SGCZ: variants seen among roughly 807,000 people sequenced by gnomAD.
The protein encoded by SGCZ is zeta-sarcoglycan.
SGCZ carries 40 observed loss-of-function variants against 41.3 expected under a neutral mutation model. The observed-to-expected ratio is 0.97, with a 90% CI of 0.75 to 1.26. The LOEUF (loss-of-function observed/expected upper bound fraction) is 1.26, where lower values mean the gene tolerates loss of function less well. Ranked by LOEUF, SGCZ falls within the 50% of genes most tolerant of loss-of-function variation. The pLI is 0.00. For missense variants in SGCZ, 552 were observed against 369.8 expected (o/e 1.49, Z -4.04); for synonymous variants, 206 against 137.5 (o/e 1.50, Z -3.49).
chr8:14,980,435 T>C (rs142514380), intron 1 of SGCZ, among the ~76,000 whole-genome samples: 2 of 152,358 alleles, frequency 1.3e-5, no homozygotes, highest in African/African-American at 2.4e-5. Flanking sequence ...TTCATTGATA[T>C]AGAAATATCT....
rs532013902 is a variant in SGCZ at position 14,843,390 on chromosome 8, C to A, written c.40-288464G>T. Among the ~76,000 whole-genome samples the A allele has an allele frequency of 2.2e-4, 33 of 151,902 alleles. 1 individual carries two copies. The highest frequency in any genetic ancestry group is 7.7e-4 in the African/African-American group (32 of 41,410). ...ATAAAACTAGTGAAATCAACACAGGCCAATTAGAATTTCAGGTATCTATTT... is the reference window on the plus strand; with the variant it reads ...ATAAAACTAGTGAAATCAACACAGGACAATTAGAATTTCAGGTATCTATTT... On this transcript the variant is annotated intron_variant, in intron 1 of 7. Coordinates refer to ENST00000382080, the MANE Select transcript of SGCZ (RefSeq NM_139167.4).
At position 14,694,000 on chromosome 8, in the gene SGCZ, T is replaced by C. The variant is rs570219647; in HGVS notation, c.40-139074A>G. On this transcript the variant is annotated intron_variant, in intron 1 of 7. Transcript: ENST00000382080. ...TTTCCACATTTGGAGGTAATTACAA[T>C]TCTATTTTGACTGTTGCCTGGCTGA... is the stretch of plus-strand genomic sequence containing the variant. 2.0e-5 allele frequency among the ~76,000 whole-genome samples: 3 copies of C among 152,342 alleles called. No individual in the cohort carries two copies. The East Asian group carries it at 5.8e-4, about 29-fold the overall frequency.
At chr8:14,974,782 C>A (rs1247123711) in intron 1 of SGCZ, among the ~76,000 whole-genome samples, 1 of 142,886 alleles carries the variant, frequency 7.0e-6, no homozygotes, top group Non-Finnish European at 1.5e-5. Context: ...CTACAATGAA[C>A]AAAGTACTTG....
intron 2 of SGCZ, among the ~76,000 whole-genome samples, chr8:14,401,282 ATT>A (rs71209044): frequency 6.7e-6 from 1 of 149,642 alleles, no homozygotes; most frequent in Non-Finnish European, 1.5e-5. Context: ...ATTTTTATTT[ATT>A]TTTTTTTCTT....
chr8:14,264,556 AGT>A (rs1799806538), intron 3 of SGCZ, among the ~76,000 whole-genome samples: 2 of 152,172 alleles, frequency 1.3e-5, no homozygotes, highest in Admixed American at 6.5e-5. Context: ...CCTGCAGACT[AGT>A]AACAAAAATG....
intron 1 of SGCZ, among the ~76,000 whole-genome samples, chr8:14,912,192 T>C (rs1475628846): frequency 6.6e-6 from 1 of 151,996 alleles, no homozygotes; most frequent in Non-Finnish European, 1.5e-5. Flanking sequence ...AACATTACCT[T>C]TGGAAGTCCT....
At chr8:14,661,498 C>A (rs1402353921) in intron 1 of SGCZ, among the ~76,000 whole-genome samples, 1 of 152,060 alleles carries the variant, frequency 6.6e-6, no homozygotes, top group African/African-American at 2.4e-5. Flanking sequence ...ATCCTCTTTT[C>A]AAATACAGCA....
At chr8:14,860,905 T>C (rs1036853318) in intron 1 of SGCZ, among the ~76,000 whole-genome samples, 3 of 152,152 alleles carry the variant, frequency 2.0e-5, no homozygotes, top group African/African-American at 7.2e-5. Flanking sequence ...ACTTTGTCTT[T>C]GAACTTTTGT....
At chr8:14,605,191 G>A (rs1209734767) in intron 1 of SGCZ, among the ~76,000 whole-genome samples, 1 of 152,036 alleles carries the variant, frequency 6.6e-6, no homozygotes, top group African/African-American at 2.4e-5. Flanking sequence ...AAAGTAACAA[G>A]CAAACAGTGA....
intron 5 of SGCZ, among the ~76,000 whole-genome samples, chr8:14,114,104 C>T (rs1021743060): frequency 1.3e-5 from 2 of 152,032 alleles, no homozygotes; most frequent in African/African-American, 4.8e-5. Context: ...TAACTTACGA[C>T]TTTCTTGAAG....
intron 4 of SGCZ, among the ~76,000 whole-genome samples, chr8:14,224,584 T>G (rs1457507264): frequency 7.1e-6 from 1 of 141,712 alleles, no homozygotes; most frequent in Non-Finnish European, 1.5e-5. Context: ...GCTAAAATAT[T>G]TATTTATTAC....
chr8:14,324,073 T>A (rs772835803), intron 3 of SGCZ, 30 bp downstream of exon 3: 8 of 1,484,542 alleles, frequency 5.4e-6, no homozygotes, highest in Admixed American at 3.4e-5. Flanking sequence ...AAATTATCTT[T>A]TAGAGTAAGC....
chr8:15,222,316 C>G (rs971501963), intron 1 of SGCZ, among the ~76,000 whole-genome samples: 10 of 152,032 alleles, frequency 6.6e-5, no homozygotes, highest in African/African-American at 2.4e-4. Flanking sequence ...CACCATCCCC[C>G]AAGCAGTTAT....
At chr8:14,229,916 A>C (rs1806501845) in intron 4 of SGCZ, among the ~76,000 whole-genome samples, 1 of 152,158 alleles carries the variant, frequency 6.6e-6, no homozygotes, top group African/African-American at 2.4e-5. Flanking sequence ...AGCCGATTGG[A>C]CTTAAACTGT....
chr8:14,547,441 C>A (rs545328238), intron 2 of SGCZ, among the ~76,000 whole-genome samples: 19 of 152,254 alleles, frequency 1.2e-4, no homozygotes, highest in African/African-American at 4.1e-4. Context: ...TATATCTCAG[C>A]ACTAAATTAG....
At chr8:14,592,119 G>C (rs915436594) in intron 1 of SGCZ, among the ~76,000 whole-genome samples, 13 of 152,006 alleles carry the variant, frequency 8.6e-5, no homozygotes, top group African/African-American at 2.9e-4. Context: ...TTTCCCACTT[G>C]TCTGTTTTGC....
intron 4 of SGCZ, among the ~76,000 whole-genome samples, chr8:14,179,742 T>C (rs1301943137): frequency 1.3e-5 from 2 of 152,154 alleles, no homozygotes; most frequent in Non-Finnish European, 2.9e-5. Flanking sequence ...CTGTCACTGG[T>C]AACATGGCAC....
rs191933312 is a variant in SGCZ at position 14,968,051 on chromosome 8, A to G, written c.39+269534T>C. On this transcript the variant is annotated intron_variant, in intron 1 of 7. Transcript: ENST00000382080. ...ATCCAACTAGAATTTATTGAGCCCA[A>G]TCTGGACAAAGCTATATAATAAGCA... 1.9e-4 allele frequency among the ~76,000 whole-genome samples: 29 copies of G among 152,332 alleles called. 1 individual carries two copies. The highest frequency in any genetic ancestry group is 3.4e-3 in the Middle Eastern group (1 of 294).
intron 1 of SGCZ, among the ~76,000 whole-genome samples, chr8:15,164,782 C>T (rs1263829763): frequency 6.6e-6 from 1 of 152,024 alleles, no homozygotes; most frequent in Non-Finnish European, 1.5e-5. Flanking sequence ...CTTTGCATGT[C>T]TGTATGGTTA....
Sources: allele counts gnomAD v4.1 joint callset (sites outside exome capture counted in the v4.1 genomes callset), GRCh38; gene constraint gnomAD v4.1.1; transcripts MANE v1.5; gene names NCBI Gene and HGNC (gene_info 2026-07-23, HGNC 2026-07-21).